IKBKB: variants seen among roughly 807,000 people sequenced by gnomAD.
IKBKB encodes inhibitor of nuclear factor kappa-B kinase subunit beta.
IKBKB carries 42 observed loss-of-function variants against 113.6 expected under a neutral mutation model. The ratio of observed to expected loss-of-function variants is 0.37; its 90% confidence interval spans 0.29 to 0.48. IKBKB has a LOEUF of 0.48. Ranked by LOEUF, IKBKB falls within the 20% of genes least tolerant of loss-of-function variation. The probability of loss-of-function intolerance (pLI) is 0.99; values close to 1 mark genes in which losing one functional copy is unlikely to be tolerated. For synonymous variants in IKBKB, 296 were observed against 361.3 expected, an observed-to-expected ratio of 0.82 and a Z score of 2.05; for missense variants, 673 against 939.7, an observed-to-expected ratio of 0.72 and a Z score of 3.71.
In IKBKB at chr8:42,311,980, G is replaced by A. The variant is rs528400052; in HGVS notation, c.693-2342G>A. ...CGGCTCACTGCAAGCTCCGCCTCCC[G>A]GGTTCATGCCATTCTCCTGCCTCAG... On this transcript the variant is annotated intron_variant, in intron 8 of 21. Transcript: ENST00000520810. Among the ~76,000 whole-genome samples, 12 of 152,108 alleles carry A rather than the reference G, an allele frequency of 7.9e-5. No individual in the cohort carries two copies. In the South Asian group the frequency reaches 1.9e-3, roughly 24 times the overall value.
intron 5 of IKBKB, among the ~76,000 whole-genome samples, chr8:42,303,968 A>G (rs1815968593): frequency 6.6e-6 from 1 of 152,104 alleles, no homozygotes; most frequent in South Asian, 2.1e-4. Context: ...AAAACCTTTT[A>G]ATGTTATTTG....
intron 15 of IKBKB, 35 bp downstream of exon 15, chr8:42,319,681 AG>A (rs1353856458): frequency 2.0e-6 from 3 of 1,530,338 alleles, no homozygotes; most frequent in South Asian, 1.2e-5. Flanking sequence ...GAACTTACCA[AG>A]GGGGTGAGAT....
chr8:42,273,197 A>C (rs986068077), intron 2 of IKBKB, among the ~76,000 whole-genome samples: 4 of 152,050 alleles, frequency 2.6e-5, no homozygotes, highest in African/African-American at 9.7e-5. Flanking sequence ...CAGGAGGATC[A>C]CTTGAGGTCA....
chr8:42,298,836 G>A (rs1406000024), intron 5 of IKBKB, among the ~76,000 whole-genome samples: 8 of 152,044 alleles, frequency 5.3e-5, no homozygotes, highest in African/African-American at 1.4e-4. Flanking sequence ...TGGTGGCCCC[G>A]GGACATCTCT....
chr8:42,331,661 C>G lies in IKBKB; in HGVS notation c.*682C>G, dbSNP rs140016896. On this transcript the variant is annotated 3_prime_UTR_variant, in exon 22 of 22. Transcript: ENST00000520810. ...AAAGTTGGAGCGAGTGCCAAGCTCT[C>G]CATCTGTGGTCCTTTCTGCCAAGAG... is the stretch of plus-strand genomic sequence containing the variant. 1.3e-4 allele frequency: 67 copies of G among 524,278 alleles called. No individual in the cohort carries two copies. Among genetic ancestry groups the G allele is most frequent in the African/African-American group, 1.2e-3 (61 of 52,602 alleles). 32.5% of individuals were successfully genotyped at this position (524,278 alleles called of 1,614,324 possible).
chr8:42,271,705 G>T, intron 1 of IKBKB: 1 of 518,920 alleles, frequency 1.9e-6, no homozygotes, highest in Non-Finnish European at 3.4e-6. Flanking sequence ...ACATTGTAAA[G>T]AAACACGTGA....
At chr8:42,286,796 A>G (rs1399575851) in intron 2 of IKBKB, among the ~76,000 whole-genome samples, 1 of 152,200 alleles carries the variant, frequency 6.6e-6, no homozygotes, top group Non-Finnish European at 1.5e-5. Flanking sequence ...TTGGCCTAAC[A>G]GGGCCTCTAG....
chr8:42,283,997 G>A (rs1585561706), intron 2 of IKBKB, among the ~76,000 whole-genome samples: 1 of 152,224 alleles, frequency 6.6e-6, no homozygotes, highest in Admixed American at 6.5e-5. Context: ...GTCTCTGTTT[G>A]TGGAACCCTG....
intron 2 of IKBKB, among the ~76,000 whole-genome samples, chr8:42,274,420 C>T (rs914588462): frequency 3.3e-5 from 5 of 152,134 alleles, no homozygotes; most frequent in East Asian, 3.8e-4. Flanking sequence ...ATTTTGTACC[C>T]ATTAACCAGT....
intron 5 of IKBKB, among the ~76,000 whole-genome samples, chr8:42,303,055 G>A (rs1001654006): frequency 7.3e-6 from 1 of 137,700 alleles, no homozygotes; most frequent in Non-Finnish European, 1.5e-5. Context: ...CCGGCTTGCC[G>A]AGAGGGAGAG....
intron 21 of IKBKB, chr8:42,329,913 T>C (rs1821466790): frequency 1.0e-6 from 1 of 985,484 alleles, no homozygotes; most frequent in Non-Finnish European, 1.2e-6. Context: ...CCCCTAACTT[T>C]AAGCTTTTGG....
At chr8:42,277,180 A>ATTTTTTT (rs751878075) in intron 2 of IKBKB, among the ~76,000 whole-genome samples, 1 of 84,914 alleles carries the variant, frequency 1.2e-5, no homozygotes, top group Admixed American at 1.2e-4. Flanking sequence ...CGTGTGGCTA[A>ATTTTTTT]TTTTTTTTTT....
In IKBKB at chr8:42,289,914, G is replaced by A. The variant is rs575383363; in HGVS notation, c.201-242G>A. Among the ~76,000 whole-genome samples, 7 of 152,288 alleles carry A rather than the reference G, an allele frequency of 4.6e-5. No individual in the cohort carries two copies. The East Asian group carries it at 5.8e-4, about 13-fold the overall frequency. ...ACGATGAGGACTTGGGATGTGGCAC[G>A]CACAAAAAACTGAAGTTACACGCAG... On this transcript the variant is annotated intron_variant, in intron 3 of 21. Transcript: ENST00000520810.
Position 42,271,419 on chromosome 8 carries a change from G to A in IKBKB, c.-69G>A. 17 of 1,395,812 alleles carry A rather than the reference G, an allele frequency of 1.2e-5. No homozygotes were observed. The highest frequency in any genetic ancestry group is 1.6e-5 in the Non-Finnish European group (16 of 1,027,870). 86.5% of individuals were successfully genotyped at this position (1,395,812 alleles called of 1,614,324 possible). A position where few individuals can be genotyped will look rare whatever the true frequency, so the allele number is the denominator to read the frequency against. On this transcript the variant is annotated 5_prime_UTR_variant, in exon 1 of 22. Coordinates refer to ENST00000520810, the MANE Select transcript of IKBKB (RefSeq NM_001556.3). ...CCCCGGGTTTGGCCGCCCCAGCCCC[G>A]CCTTCCCCGCCCCGGGGAGCCCGCC...
chr8:42,278,136 T>G (rs1809558664), intron 2 of IKBKB, among the ~76,000 whole-genome samples: 1 of 152,090 alleles, frequency 6.6e-6, no homozygotes, highest in African/African-American at 2.4e-5. Flanking sequence ...GAGGCCCTAG[T>G]AGAAGTCAGC....
At chr8:42,296,370 G>A (rs998701195) in intron 5 of IKBKB, among the ~76,000 whole-genome samples, 4 of 152,198 alleles carry the variant, frequency 2.6e-5, no homozygotes, top group South Asian at 2.1e-4. Flanking sequence ...GGTGGCTCAC[G>A]CCTATAATCC....
At chr8:42,292,846 T>C (rs961265675) in intron 4 of IKBKB, among the ~76,000 whole-genome samples, 18 of 152,222 alleles carry the variant, frequency 1.2e-4, no homozygotes, top group African/African-American at 4.3e-4. Flanking sequence ...TATCCGACCG[T>C]GTAACCTCAG....
intron 7 of IKBKB, among the ~76,000 whole-genome samples, chr8:42,308,380 C>A (rs1056308635): frequency 6.6e-5 from 10 of 151,506 alleles, no homozygotes; most frequent in Admixed American, 5.9e-4. Context: ...TCACTGCAAC[C>A]TCCACTTCCC....
intron 5 of IKBKB, among the ~76,000 whole-genome samples, chr8:42,301,026 A>AT (rs1235722566): frequency 2.2e-3 from 327 of 147,144 alleles, no homozygotes; most frequent in Middle Eastern, 7.1e-3. Flanking sequence ...GCTAATTAAA[A>AT]TTTTTTTTTT....
Sources: allele counts gnomAD v4.1 joint callset (sites outside exome capture counted in the v4.1 genomes callset), GRCh38; gene constraint gnomAD v4.1.1; transcripts MANE v1.5; gene names NCBI Gene and HGNC (gene_info 2026-07-23, HGNC 2026-07-21).